Variants in MRPL48 observed in about 807,000 individuals in gnomAD.
MRPL48 encodes the protein mitochondrial ribosomal protein L48.
Under a neutral mutation model 32.9 loss-of-function variants are expected in MRPL48, and 16 were observed. That is an observed-to-expected ratio of 0.49 (90% CI 0.33 to 0.74). The LOEUF is 0.74. MRPL48 is among the 30% of genes least tolerant of loss of function. MRPL48 has a pLI of 0.02. For synonymous variants in MRPL48, 94 were observed against 89.2 expected (o/e 1.05, Z -0.31); for missense variants, 206 against 245.3 (o/e 0.84, Z 1.07).
intron 4 of MRPL48, among the ~76,000 whole-genome samples, chr11:73,839,423 A>G (rs192271001): frequency 6.6e-6 from 1 of 152,318 alleles, no homozygotes; most frequent in African/African-American, 2.4e-5. Flanking sequence ...ATCTCCAATT[A>G]TTAGGACATG....
chr11:73,845,202 CCA>C (rs1948267562), intron 5 of MRPL48: 1 of 367,860 alleles, frequency 2.7e-6, no homozygotes, highest in Admixed American at 4.3e-5. Flanking sequence ...TCCCTGGCAA[CCA>C]CAGACCAATT....
At chr11:73,861,450 A>G (rs113485090) in intron 6 of MRPL48, among the ~76,000 whole-genome samples, 5,387 of 152,058 alleles carry the variant, frequency 0.035, 141 homozygotes, top group Non-Finnish European at 0.054. Context: ...GCTCACCGCA[A>G]CCTTCGCCTC....
At chr11:73,826,040 C>T (rs1947883789) in intron 4 of MRPL48, among the ~76,000 whole-genome samples, 1 of 151,618 alleles carries the variant, frequency 6.6e-6, no homozygotes, top group East Asian at 1.9e-4. Flanking sequence ...TTTTTTGAGA[C>T]AGGGTCTTGC....
intron 1 of MRPL48, among the ~76,000 whole-genome samples, chr11:73,803,432 A>G (rs1188748055): frequency 6.7e-6 from 1 of 150,162 alleles, no homozygotes; most frequent in Non-Finnish European, 1.5e-5. Flanking sequence ...CACCTGGCCT[A>G]GAGTGATTTT....
chr11:73,829,155 C>G (rs543725061), intron 4 of MRPL48, among the ~76,000 whole-genome samples: 9 of 152,214 alleles, frequency 5.9e-5, no homozygotes, highest in Non-Finnish European at 1.2e-4. Flanking sequence ...TGTATTGGGC[C>G]TTTTGTTTTT....
intron 4 of MRPL48, among the ~76,000 whole-genome samples, chr11:73,830,862 T>TTTC (rs1947980927): frequency 3.0e-5 from 4 of 132,948 alleles, no homozygotes; most frequent in South Asian, 2.4e-4. Context: ...TCTTTCTTTC[T>TTTC]TTTTTTTTTG....
chr11:73,807,872 C>T (rs1479969110), intron 2 of MRPL48, among the ~76,000 whole-genome samples: 1 of 152,160 alleles, frequency 6.6e-6, no homozygotes, highest in African/African-American at 2.4e-5. Context: ...CTCTTGACCT[C>T]AGGTCATCTG....
Position 73,850,348 on chromosome 11 carries a change from G to A in MRPL48, c.371+5372G>A, listed in dbSNP as rs146214383. ...CTAAGTGGGCTGAAATCAACAAAAGGTCTTGGACTGTTGTTGGCTCACAGA... is the reference window on the plus strand; with the variant it reads ...CTAAGTGGGCTGAAATCAACAAAAGATCTTGGACTGTTGTTGGCTCACAGA... On this transcript the variant is annotated intron_variant, in intron 5 of 7. Coordinates refer to ENST00000310614, the MANE Select transcript of MRPL48 (RefSeq NM_016055.6). The A allele has an allele frequency of 1.5e-3, 253 of 164,602 alleles. 6 individuals carry two copies. The East Asian group carries it at 0.042, about 27-fold the overall frequency. The allele number at this position is 164,602 out of a possible 1,614,324, so 10.2% of individuals were successfully genotyped here. A position where few individuals can be genotyped will look rare whatever the true frequency, so the allele number is the denominator to read the frequency against.
intron 6 of MRPL48, among the ~76,000 whole-genome samples, chr11:73,861,747 C>T (rs777416607): frequency 2.6e-4 from 40 of 152,332 alleles, no homozygotes; most frequent in Non-Finnish European, 5.3e-4. Flanking sequence ...CTTCAAAATC[C>T]TCCACATTAC....
intron 4 of MRPL48, among the ~76,000 whole-genome samples, chr11:73,838,516 A>G (rs1948140213): frequency 1.3e-5 from 2 of 152,284 alleles, no homozygotes; most frequent in South Asian, 4.1e-4. Flanking sequence ...AAAGCCTCCT[A>G]CAGGCTTCAG....
intron 3 of MRPL48, among the ~76,000 whole-genome samples, chr11:73,823,654 GTTTTTTTTTTT>G (rs57616234): frequency 9.5e-6 from 1 of 105,686 alleles, no homozygotes; most frequent in African/African-American, 3.6e-5. Flanking sequence ...TTTCTTTTCT[GTTTTTTTTTTT>G]TTTTTTTTTT....
chr11:73,854,096 AT>A (rs1284461522), intron 5 of MRPL48, among the ~76,000 whole-genome samples: 1 of 152,148 alleles, frequency 6.6e-6, no homozygotes, highest in African/African-American at 2.4e-5. Context: ...AGTGTTTGAA[AT>A]TTTTAGGACT....
At chr11:73,816,212 C>A (rs904443010) in intron 3 of MRPL48, among the ~76,000 whole-genome samples, 1 of 151,316 alleles carries the variant, frequency 6.6e-6, no homozygotes, top group African/African-American at 2.4e-5. Context: ...CAGGCGCCCA[C>A]CACCATGCCC....
intron 4 of MRPL48, among the ~76,000 whole-genome samples, chr11:73,834,203 A>C (rs556467560): frequency 2.0e-5 from 3 of 152,320 alleles, no homozygotes; most frequent in Admixed American, 6.5e-5. Context: ...CTAGGAATAG[A>C]AAGATTAATG....
At chr11:73,788,843 A>G (rs1221068088) in intron 1 of MRPL48, among the ~76,000 whole-genome samples, 1 of 152,252 alleles carries the variant, frequency 6.6e-6, no homozygotes, top group African/African-American at 2.4e-5. Context: ...ACCACTATAA[A>G]TGTGTTCCTG....
Position 73,844,856 on chromosome 11 carries a change from C to A in MRPL48, c.251C>A (p.Thr84Lys), listed in dbSNP as rs1410959558. 3.7e-6 allele frequency: 6 copies of A among 1,613,602 alleles called. No individual in the cohort carries two copies. In the African/African-American group the frequency reaches 6.7e-5, roughly 18 times the overall value. The change falls in exon 5 of 8, where the codon ACA becomes AAA. Residue 84 changes from threonine to lysine, a missense_variant. Thr to Lys is a moderately conservative substitution (Grantham distance 78). Transcript: ENST00000310614. ...KVEVRAINLGTDYEYGVLNIH... is the reference protein window; with the variant it reads ...KVEVRAINLGKDYEYGVLNIH... ...GAAGTGAGAGCCATTAATTTGGGGA[C>A]AGATTATGAATATGGGGTTTTAAAT...
At chr11:73,810,763 T>A (rs989704797) in intron 3 of MRPL48, among the ~76,000 whole-genome samples, 2 of 150,820 alleles carry the variant, frequency 1.3e-5, no homozygotes, top group African/African-American at 2.4e-5. Context: ...TGTGTCCATG[T>A]GTTCTCATTG....
At chr11:73,813,831 G>C (rs1565410349) in intron 3 of MRPL48, among the ~76,000 whole-genome samples, 1 of 151,654 alleles carries the variant, frequency 6.6e-6, no homozygotes. Context: ...CACAAAGTCA[G>C]GAGATCAAGA....
At chr11:73,843,093 G>A (rs1411203356) in intron 4 of MRPL48, 2 of 152,098 alleles carry the variant, frequency 1.3e-5, no homozygotes, top group Non-Finnish European at 2.9e-5. Context: ...GATTACAGGT[G>A]TCAGCCACTG....
Sources: allele counts gnomAD v4.1 joint callset (sites outside exome capture counted in the v4.1 genomes callset), GRCh38; gene constraint gnomAD v4.1.1; transcripts MANE v1.5; gene names NCBI Gene and HGNC (gene_info 2026-07-23, HGNC 2026-07-21).